The following NRG1 variants were observed in gnomAD, a reference collection of about 807,000 sequenced individuals.
The protein encoded by NRG1 is neuregulin 1, also known as pro-neuregulin-1, membrane-bound isoform.
In NRG1, 18 loss-of-function variants were observed where a neutral mutation model predicts 63.8. The observed-to-expected ratio is 0.28, with a 90% CI of 0.19 to 0.42. The LOEUF (loss-of-function observed/expected upper bound fraction) is 0.42. NRG1 is among the 10% of genes least tolerant of loss of function. The probability of loss-of-function intolerance (pLI) is 1.00; values close to 1 mark genes in which losing one functional copy is unlikely to be tolerated. For missense variants in NRG1, 762 were observed against 814.7 expected (o/e 0.94, Z 0.79); for synonymous variants, 302 against 301.3 (o/e 1.00, Z -0.02).
chr8:31,751,633 T>A (rs1488908850), intron 1 of NRG1, among the ~76,000 whole-genome samples: 1 of 152,024 alleles, frequency 6.6e-6, no homozygotes, highest in Non-Finnish European at 1.5e-5. Context: ...ATTATAGTTG[T>A]GGTGTGGAGA....
At chr8:32,677,589 C>T (rs921950684) in intron 5 of NRG1, among the ~76,000 whole-genome samples, 1 of 151,830 alleles carries the variant, frequency 6.6e-6, no homozygotes, top group African/African-American at 2.4e-5. Context: ...ACCTGGGAGA[C>T]GAGGTTGCAC....
chr8:32,561,562 T>C (rs758771179), intron 1 of NRG1, among the ~76,000 whole-genome samples: 3 of 152,240 alleles, frequency 2.0e-5, no homozygotes, highest in South Asian at 4.1e-4. Flanking sequence ...CAGGAAACTC[T>C]GAAAACAAGC....
intron 1 of NRG1, among the ~76,000 whole-genome samples, chr8:32,472,403 C>T (rs181515432): frequency 9.0e-4 from 137 of 152,324 alleles, no homozygotes; most frequent in African/African-American, 3.2e-3. Context: ...CTCCTGACCT[C>T]AGGTGATCCA....
intron 1 of NRG1, among the ~76,000 whole-genome samples, chr8:32,580,245 C>T (rs895643233): frequency 6.6e-5 from 10 of 152,028 alleles, no homozygotes; most frequent in African/African-American, 2.4e-4. Flanking sequence ...CTGTGAAGTC[C>T]CTTTTGCTGT....
chr8:32,763,354 A>T, intron 11 of NRG1: 1 of 1,613,846 alleles, frequency 6.2e-7, no homozygotes, highest in Non-Finnish European at 8.5e-7. Flanking sequence ...CTTGGCCTTT[A>T]GGAAGGTATA....
chr8:32,763,502 CA>C, intron 11 of NRG1: 1 of 1,137,344 alleles, frequency 8.8e-7, no homozygotes, highest in African/African-American at 1.6e-5. Flanking sequence ...TTGAAAATCC[CA>C]AAAGCTTTGA....
intron 1 of NRG1, among the ~76,000 whole-genome samples, chr8:32,593,881 G>C (rs1241782307): frequency 7.8e-6 from 1 of 128,946 alleles, no homozygotes; most frequent in South Asian, 2.5e-4. Flanking sequence ...AAAAGAACCA[G>C]ACAAAATATT....
chr8:32,095,960 G>A (rs774797849), intron 1 of NRG1, among the ~76,000 whole-genome samples: 20 of 152,156 alleles, frequency 1.3e-4, no homozygotes, highest in Non-Finnish European at 2.4e-4. Flanking sequence ...TCCAGAAAAG[G>A]CCTCTCTGAG....
intron 1 of NRG1, among the ~76,000 whole-genome samples, chr8:32,356,900 CTG>C (rs1205777083): frequency 6.6e-6 from 1 of 152,162 alleles, no homozygotes; most frequent in Non-Finnish European, 1.5e-5. Context: ...GATGAGAAAA[CTG>C]TGAGAACATT....
intron 1 of NRG1, among the ~76,000 whole-genome samples, chr8:32,113,619 A>G (rs988935055): frequency 4.6e-5 from 7 of 152,190 alleles, no homozygotes; most frequent in African/African-American, 7.2e-5. Context: ...TCTTCATAGA[A>G]TCTGATATAA....
intron 1 of NRG1, among the ~76,000 whole-genome samples, chr8:31,807,680 T>A (rs1057230524): frequency 6.6e-6 from 1 of 152,208 alleles, no homozygotes; most frequent in African/African-American, 2.4e-5. Flanking sequence ...ATAGTGGATT[T>A]CTAGCATTTG....
chr8:32,363,810 A>T (rs1335398121), intron 1 of NRG1, among the ~76,000 whole-genome samples: 6 of 152,158 alleles, frequency 3.9e-5, no homozygotes. Flanking sequence ...AATAACCTAG[A>T]TCAGAAAACA....
intron 1 of NRG1, among the ~76,000 whole-genome samples, chr8:32,529,212 A>G (rs114978926): frequency 0.014 from 2,080 of 152,340 alleles, 43 homozygotes; most frequent in African/African-American, 0.047. Context: ...GCATCTAAAC[A>G]TATCTAAACA....
chr8:32,527,014 C>A (rs1830919796), intron 1 of NRG1, among the ~76,000 whole-genome samples: 1 of 152,182 alleles, frequency 6.6e-6, no homozygotes. Flanking sequence ...CCAGCTCCAA[C>A]CTTTCCCCTA....
intron 1 of NRG1, among the ~76,000 whole-genome samples, chr8:32,021,294 G>A (rs548499203): frequency 1.0e-5 from 1 of 98,300 alleles, no homozygotes; most frequent in African/African-American, 2.6e-5. Context: ...GCTTCTGGCA[G>A]GGGCTTTTAT....
intron 1 of NRG1, among the ~76,000 whole-genome samples, chr8:32,102,890 T>A (rs187395554): frequency 9.9e-4 from 151 of 152,300 alleles, no homozygotes; most frequent in African/African-American, 3.4e-3. Flanking sequence ...AGTTTTTTTT[T>A]AATTTTTAAT....
At chr8:31,652,673 G>C (rs1432786474) in intron 1 of NRG1, among the ~76,000 whole-genome samples, 1 of 152,136 alleles carries the variant, frequency 6.6e-6, no homozygotes, top group African/African-American at 2.4e-5. Context: ...ATTTCAGATT[G>C]ACTGTCCTTC....
intron 1 of NRG1, among the ~76,000 whole-genome samples, chr8:32,509,713 A>G (rs1344242390): frequency 2.0e-5 from 3 of 152,150 alleles, no homozygotes; most frequent in Non-Finnish European, 4.4e-5. Flanking sequence ...TGTTAGTTTC[A>G]TTTTGGATTT....
At chr8:31,683,464 C>T (rs1808548415) in intron 1 of NRG1, among the ~76,000 whole-genome samples, 1 of 152,080 alleles carries the variant, frequency 6.6e-6, no homozygotes, top group South Asian at 2.1e-4. Context: ...AGGTTACCTA[C>T]CGTATGATTG....
Sources: gnomAD v4.1 joint callset for allele counts (sites outside exome capture counted in the v4.1 genomes callset) on GRCh38, gnomAD v4.1.1 for gene constraint, MANE v1.5 for transcripts, NCBI Gene and HGNC (gene_info 2026-07-23, HGNC 2026-07-21) for gene names.